TAFA2: variants seen among roughly 807,000 people sequenced by gnomAD.
The protein encoded by TAFA2 is TAFA chemokine like family member 2, also known as chemokine-like protein TAFA-2.
Under a neutral mutation model 18.8 loss-of-function variants are expected in TAFA2, and 7 were observed. The ratio of observed to expected loss-of-function variants is 0.37; its 90% CI spans 0.21 to 0.70. The LOEUF (loss-of-function observed/expected upper bound fraction) is 0.70, where lower values mean the gene tolerates loss of function less well. TAFA2 is among the 30% of genes least tolerant of loss of function. The pLI is 0.53. For synonymous variants in TAFA2, 60 were observed against 54.2 expected (o/e 1.11, Z -0.47); for missense variants, 122 against 158.1 (o/e 0.77, Z 1.23).
chr12:62,170,828 G>A (rs1339440013), intron 1 of TAFA2, among the ~76,000 whole-genome samples: 1 of 152,014 alleles, frequency 6.6e-6, no homozygotes, highest in Non-Finnish European at 1.5e-5. Flanking sequence ...TACACTCTGT[G>A]TTCATGTGTA....
chr12:62,120,336 C>T (rs541318296), intron 1 of TAFA2, among the ~76,000 whole-genome samples: 151 of 152,260 alleles, frequency 9.9e-4, no homozygotes, highest in African/African-American at 3.2e-3. Context: ...TCAATGGTCT[C>T]ATTAAATAGG....
At chr12:61,879,602 G>A in intron 1 of TAFA2, 1 of 776,256 alleles carries the variant, frequency 1.3e-6, no homozygotes, top group South Asian at 1.4e-5. Flanking sequence ...AGGAGAAGGA[G>A]CAGATCAAGA....
intron 1 of TAFA2, among the ~76,000 whole-genome samples, chr12:62,178,136 T>TA (rs2062526320): frequency 6.6e-6 from 1 of 151,868 alleles, no homozygotes; most frequent in Non-Finnish European, 1.5e-5. Flanking sequence ...CCCATCTCTA[T>TA]AAAAAATTGA....
chr12:61,874,359 T>C (rs1874751905), intron 1 of TAFA2, among the ~76,000 whole-genome samples: 2 of 152,158 alleles, frequency 1.3e-5, no homozygotes. Flanking sequence ...TATCAGTGTT[T>C]TGTAATGAAT....
intron 4 of TAFA2, among the ~76,000 whole-genome samples, chr12:61,747,480 G>C (rs1868775991): frequency 6.8e-6 from 1 of 146,620 alleles, no homozygotes; most frequent in Non-Finnish European, 1.5e-5. Flanking sequence ...GTCCAACAAT[G>C]ATAGACTGGA....
intron 1 of TAFA2, chr12:61,879,369 C>T (rs1057054409): frequency 5.0e-5 from 37 of 741,374 alleles, no homozygotes; most frequent in Middle Eastern, 2.8e-4. Flanking sequence ...CTCTGGCCCC[C>T]GGGCCTTCAG....
intron 2 of TAFA2, among the ~76,000 whole-genome samples, chr12:61,786,461 C>A (rs1004803196): frequency 6.6e-6 from 1 of 151,164 alleles, no homozygotes; most frequent in Admixed American, 6.6e-5. Context: ...CACAGAGGTA[C>A]AAAAAAAGTC....
At chr12:61,846,975 C>T (rs1873431416) in intron 2 of TAFA2, among the ~76,000 whole-genome samples, 1 of 152,136 alleles carries the variant, frequency 6.6e-6, no homozygotes, top group Non-Finnish European at 1.5e-5. Context: ...CTCCTTACTT[C>T]CCACACAGGT....
chr12:62,090,956 C>A (rs1230395483), intron 1 of TAFA2, among the ~76,000 whole-genome samples: 1 of 151,972 alleles, frequency 6.6e-6, no homozygotes, highest in East Asian at 1.9e-4. Flanking sequence ...TATACAGATA[C>A]TTATGCCTAT....
chr12:62,053,567 T>C (rs986127373), intron 1 of TAFA2, among the ~76,000 whole-genome samples: 1 of 152,232 alleles, frequency 6.6e-6, no homozygotes, highest in African/African-American at 2.4e-5. Flanking sequence ...ACGTATTGTT[T>C]ACTAAAAACT....
At chr12:61,876,845 T>A (rs982920939) in intron 1 of TAFA2, among the ~76,000 whole-genome samples, 1 of 152,208 alleles carries the variant, frequency 6.6e-6, no homozygotes, top group Non-Finnish European at 1.5e-5. Context: ...AATAATAGTT[T>A]AAGCAAAATT....
At chr12:61,963,236 C>T (rs966531903) in intron 1 of TAFA2, among the ~76,000 whole-genome samples, 29 of 151,938 alleles carry the variant, frequency 1.9e-4, no homozygotes, top group African/African-American at 7.0e-4. Context: ...TGGGTATATA[C>T]CCAGTAATAG....
At chr12:62,006,279 C>T (rs550394682) in intron 1 of TAFA2, among the ~76,000 whole-genome samples, 1 of 152,148 alleles carries the variant, frequency 6.6e-6, no homozygotes, top group East Asian at 1.9e-4. Flanking sequence ...TTCATCACTG[C>T]TTTTTGTTGA....
intron 1 of TAFA2, among the ~76,000 whole-genome samples, chr12:61,888,645 T>A (rs1302027132): frequency 6.6e-6 from 1 of 152,010 alleles, no homozygotes; most frequent in Non-Finnish European, 1.5e-5. Flanking sequence ...ATCAAGTAGA[T>A]AAAAATACTT....
At chr12:62,018,893 C>A (rs1157260288) in intron 1 of TAFA2, among the ~76,000 whole-genome samples, 16 of 152,086 alleles carry the variant, frequency 1.1e-4, no homozygotes, top group Admixed American at 6.5e-5. Flanking sequence ...AGGCAACCTA[C>A]AAAATGGGAG....
At chr12:62,168,062 C>T (rs1304201624) in intron 1 of TAFA2, among the ~76,000 whole-genome samples, 2 of 152,074 alleles carry the variant, frequency 1.3e-5, no homozygotes, top group Non-Finnish European at 2.9e-5. Context: ...AACACATAAA[C>T]ATTTGTGTGT....
chr12:62,145,794 G>T (rs2136913037), intron 1 of TAFA2, among the ~76,000 whole-genome samples: 1 of 152,282 alleles, frequency 6.6e-6, no homozygotes, highest in East Asian at 1.9e-4. Context: ...ATTCAGCAAG[G>T]CATCCTCGCT....
At chr12:61,862,605 C>T (rs1874174664) in intron 2 of TAFA2, among the ~76,000 whole-genome samples, 1 of 152,114 alleles carries the variant, frequency 6.6e-6, no homozygotes, top group Admixed American at 6.6e-5. Flanking sequence ...GTTCTTTCAT[C>T]TTCTACATTT....
chr12:62,015,367 T>C lies in TAFA2; in HGVS notation c.-1-147941A>G, dbSNP rs77418422. Among the ~76,000 whole-genome samples the C allele has an allele frequency of 6.8e-3, 1,034 of 152,302 alleles. 9 individuals are homozygous for C. Among genetic ancestry groups the C allele is most frequent in the African/African-American group, 0.023 (961 of 41,566 alleles). On this transcript the variant is annotated intron_variant, in intron 1 of 4. Coordinates refer to ENST00000416284, the MANE Select transcript of TAFA2 (RefSeq NM_178539.5). ...AAAGAATAAATGATTTAGGTGCATA[T>C]GCTTATAATCTTTGATTTATATCAC...
Sources: allele counts gnomAD v4.1 joint callset (sites outside exome capture counted in the v4.1 genomes callset), GRCh38; gene constraint gnomAD v4.1.1; transcripts MANE v1.5; gene names NCBI Gene and HGNC (gene_info 2026-07-23, HGNC 2026-07-21).